EDIL3: variants seen among roughly 807,000 people sequenced by gnomAD.
EDIL3 encodes the protein EGF-like repeat and discoidin I-like domain-containing protein 3.
A neutral mutation model predicts 67.4 loss-of-function variants in EDIL3; 37 were observed. The observed-to-expected ratio is 0.55, with a 90% CI of 0.42 to 0.72. The LOEUF (loss-of-function observed/expected upper bound fraction) is 0.72. Among genes scored for constraint, EDIL3 ranks in the 30% least tolerant of loss-of-function variants. The probability of loss-of-function intolerance (pLI) is 0.00; values close to 1 mark genes in which losing one functional copy is unlikely to be tolerated. For synonymous variants in EDIL3, 195 were observed against 196.3 expected (o/e 0.99, Z 0.05); for missense variants, 527 against 586.3 (o/e 0.90, Z 1.04).
At chr5:84,007,538 T>C (rs1240897156) in intron 9 of EDIL3, among the ~76,000 whole-genome samples, 6 of 152,198 alleles carry the variant, frequency 3.9e-5, no homozygotes, top group East Asian at 1.9e-4. Context: ...ATATCATTAA[T>C]TGATCATTAC....
chr5:84,054,045 T>C (rs1746395794), intron 9 of EDIL3, among the ~76,000 whole-genome samples: 1 of 152,190 alleles, frequency 6.6e-6, no homozygotes, highest in Admixed American at 6.5e-5. Context: ...TGAACATCGA[T>C]GCAAAAATCC....
At chr5:84,375,065 A>G (rs1302365097) in intron 1 of EDIL3, among the ~76,000 whole-genome samples, 1 of 150,834 alleles carries the variant, frequency 6.6e-6, no homozygotes, top group East Asian at 2.0e-4. Context: ...TCTGCCTCCC[A>G]GGTTCAAGCA....
chr5:84,311,766 C>G (rs1049022843), intron 1 of EDIL3, among the ~76,000 whole-genome samples: 30 of 152,174 alleles, frequency 2.0e-4, no homozygotes, highest in South Asian at 4.1e-4. Context: ...TGACTCTTAA[C>G]GAGCATGCTG....
intron 9 of EDIL3, among the ~76,000 whole-genome samples, chr5:84,032,163 T>A (rs1745936399): frequency 6.6e-6 from 1 of 152,210 alleles, no homozygotes; most frequent in South Asian, 2.1e-4. Flanking sequence ...TAAGATCAAT[T>A]AACATTCTCT....
chr5:84,080,115 C>CAAAAAAAAA (rs10566347), intron 6 of EDIL3, among the ~76,000 whole-genome samples: 148 of 52,980 alleles, frequency 2.8e-3, no homozygotes, highest in Non-Finnish European at 3.7e-3. Flanking sequence ...ACTAAAAATA[C>CAAAAAAAAA]AAAAAAAAAA....
chr5:84,232,879 A>G (rs1331473191), intron 2 of EDIL3, among the ~76,000 whole-genome samples: 3 of 152,214 alleles, frequency 2.0e-5, no homozygotes, highest in Non-Finnish European at 4.4e-5. Flanking sequence ...AGAGCCCCAG[A>G]GTAAAAATAA....
At chr5:84,199,933 A>G (rs1042572767) in intron 3 of EDIL3, among the ~76,000 whole-genome samples, 3 of 152,090 alleles carry the variant, frequency 2.0e-5, no homozygotes, top group African/African-American at 7.2e-5. Context: ...GAGAGCAACT[A>G]AAGCAAATAG....
At chr5:83,982,090 CA>C (rs1258921244) in intron 9 of EDIL3, among the ~76,000 whole-genome samples, 1 of 151,244 alleles carries the variant, frequency 6.6e-6, no homozygotes, top group South Asian at 2.1e-4. Context: ...TAAGTTTTAC[CA>C]AAAAAAATCT....
chr5:84,227,838 C>T (rs923324979), intron 3 of EDIL3, among the ~76,000 whole-genome samples: 18 of 152,054 alleles, frequency 1.2e-4, no homozygotes, highest in African/African-American at 4.3e-4. Flanking sequence ...CTAAATACTA[C>T]ACATTCTCAC....
chr5:84,288,160 TG>T (rs1181089308), intron 1 of EDIL3, among the ~76,000 whole-genome samples: 1 of 152,166 alleles, frequency 6.6e-6, no homozygotes, highest in Non-Finnish European at 1.5e-5. Context: ...TCCAGTGGCT[TG>T]GGCCAAAACC....
chr5:84,231,849 A>G (rs1661784377), intron 2 of EDIL3, among the ~76,000 whole-genome samples: 1 of 152,248 alleles, frequency 6.6e-6, no homozygotes, highest in Non-Finnish European at 1.5e-5. Context: ...GCTGACTTAG[A>G]TGAGTTATTG....
rs1746699867 is a variant in EDIL3, at chr5:84,324,052, A to C, written c.67+60256T>G. Among the ~76,000 whole-genome samples the C allele has an allele frequency of 2.6e-5, 4 of 151,888 alleles. No individual in the cohort carries two copies. The South Asian group carries it at 8.3e-4, about 31-fold the overall frequency. ...TCAGAGGACTTAATCAACAGAATAC[A>C]CCAAAAAGATCTAACAGACATATAC... is the stretch of plus-strand genomic sequence containing the variant. On this transcript the variant is annotated intron_variant, in intron 1 of 10. Transcript: ENST00000296591.
intron 1 of EDIL3, among the ~76,000 whole-genome samples, chr5:84,365,607 C>T (rs1747712295): frequency 6.6e-6 from 1 of 152,026 alleles, no homozygotes; most frequent in African/African-American, 2.4e-5. Context: ...CTGTTACAGT[C>T]AAGTACTCCC....
intron 1 of EDIL3, among the ~76,000 whole-genome samples, chr5:84,349,859 C>T (rs1747318867): frequency 6.6e-6 from 1 of 152,098 alleles, no homozygotes; most frequent in Non-Finnish European, 1.5e-5. Context: ...TTAGCAAATA[C>T]TTTTGATTAA....
intron 9 of EDIL3, among the ~76,000 whole-genome samples, chr5:83,990,167 T>A (rs982749715): frequency 5.9e-5 from 9 of 152,128 alleles, no homozygotes; most frequent in Non-Finnish European, 1.0e-4. Flanking sequence ...TCTTTTAATT[T>A]GTAATAATTT....
intron 1 of EDIL3, among the ~76,000 whole-genome samples, chr5:84,273,673 G>C (rs1216628671): frequency 6.6e-6 from 1 of 152,116 alleles, no homozygotes; most frequent in African/African-American, 2.4e-5. Flanking sequence ...TTTTGTTTTA[G>C]AGTCTCTATG....
chr5:84,359,273 T>C (rs1747549760), intron 1 of EDIL3, among the ~76,000 whole-genome samples: 1 of 152,174 alleles, frequency 6.6e-6, no homozygotes, highest in African/African-American at 2.4e-5. Flanking sequence ...AGCAAGAATT[T>C]TGGATAAATG....
intron 9 of EDIL3, among the ~76,000 whole-genome samples, chr5:84,028,337 A>G (rs1314396796): frequency 6.6e-6 from 1 of 152,092 alleles, no homozygotes; most frequent in Non-Finnish European, 1.5e-5. Flanking sequence ...AAATCTAACC[A>G]TGTCACCCTT....
chr5:84,171,386 A>G (rs528761790), intron 4 of EDIL3, among the ~76,000 whole-genome samples: 2 of 152,312 alleles, frequency 1.3e-5, no homozygotes, highest in South Asian at 4.1e-4. Context: ...CTGCCATGAC[A>G]GTGGTCTTTG....
Sources: allele counts gnomAD v4.1 joint callset (sites outside exome capture counted in the v4.1 genomes callset), GRCh38; gene constraint gnomAD v4.1.1; transcripts MANE v1.5; gene names NCBI Gene and HGNC (gene_info 2026-07-23, HGNC 2026-07-21).